PVT1: variants seen among roughly 807,000 people sequenced by gnomAD.
The protein encoded by PVT1 is CXCR4/PVT1 fusion.
At chr8:127,941,196 C>T (rs985908816) in intron 3 of PVT1, among the ~76,000 whole-genome samples, 2 of 152,196 alleles carry the variant, frequency 1.3e-5, no homozygotes, top group South Asian at 4.1e-4. Context: ...AATCTTTTCT[C>T]CCTCTTTCTT....
chr8:127,821,560 C>T (rs1343860421), intron 2 of PVT1, among the ~76,000 whole-genome samples: 1 of 152,088 alleles, frequency 6.6e-6, no homozygotes, highest in Non-Finnish European at 1.5e-5. Context: ...CCTGTAATCC[C>T]AGCACTTTGG....
chr8:127,866,156 T>G (rs762942425), intron 2 of PVT1, among the ~76,000 whole-genome samples: 5 of 152,138 alleles, frequency 3.3e-5, no homozygotes, highest in Non-Finnish European at 5.9e-5. Context: ...CAGGAGCCCT[T>G]TACCAGTACC....
At chr8:127,915,704 G>T (rs1369442850) in intron 3 of PVT1, among the ~76,000 whole-genome samples, 1 of 151,594 alleles carries the variant, frequency 6.6e-6, no homozygotes, top group Admixed American at 6.6e-5. Flanking sequence ...GGGTTCATTA[G>T]CCCCATTCTA....
At chr8:127,926,421 C>T (rs1018260135) in intron 3 of PVT1, among the ~76,000 whole-genome samples, 3 of 152,210 alleles carry the variant, frequency 2.0e-5, no homozygotes, top group African/African-American at 7.2e-5. Context: ...GTCCACAGCA[C>T]CACTTCTCTG....
chr8:128,057,121 C>G (rs1288709203), intron 4 of PVT1, among the ~76,000 whole-genome samples: 1 of 152,212 alleles, frequency 6.6e-6, no homozygotes, highest in Non-Finnish European at 1.5e-5. Context: ...CTCCCATTCA[C>G]AGTGAGCTGA....
rs185574254 is a variant in PVT1 at position 128,063,784 on chromosome 8, G to C, written n.913-6376G>C. On this transcript the variant is annotated intron_variant and non_coding_transcript_variant, in intron 4 of 10. Transcript: ENST00000651587. ...GTAGGAGGAATAAGTTCAAGAAGTC[G>C]ATTTTGACTATAGTTAATAATGTGT... 2.8e-3 allele frequency among the ~76,000 whole-genome samples: 429 copies of C among 152,258 alleles called. 2 individuals carry two copies. The highest frequency in any genetic ancestry group is 0.01 in the African/African-American group (420 of 41,542).
At chr8:128,000,199 T>C (rs935239030) in intron 4 of PVT1, among the ~76,000 whole-genome samples, 7 of 152,342 alleles carry the variant, frequency 4.6e-5, no homozygotes, top group African/African-American at 1.7e-4. Flanking sequence ...GGGATGTCCC[T>C]GCTTTCCTGG....
At chr8:127,957,569 A>AAG (rs1027141445) in intron 3 of PVT1, among the ~76,000 whole-genome samples, 8 of 132,548 alleles carry the variant, frequency 6.0e-5, no homozygotes, top group African/African-American at 2.4e-4. Flanking sequence ...TCCGTCTCAA[A>AAG]AAAAAAAAAA....
chr8:127,864,630 C>T (rs61705694), intron 2 of PVT1, among the ~76,000 whole-genome samples: 22,087 of 151,986 alleles, frequency 0.15, 1,897 homozygotes, highest in East Asian at 0.27. Flanking sequence ...TCACTGCCAG[C>T]TCCGCCTCCC....
At chr8:127,954,148 T>C (rs1363711308) in intron 3 of PVT1, among the ~76,000 whole-genome samples, 4 of 152,096 alleles carry the variant, frequency 2.6e-5, no homozygotes, top group Admixed American at 6.5e-5. Context: ...TAAGTTTCCT[T>C]ATGTGCCTCA....
chr8:127,987,414 C>T (rs887525469), intron 3 of PVT1, among the ~76,000 whole-genome samples: 8 of 152,080 alleles, frequency 5.3e-5, no homozygotes, highest in Admixed American at 5.2e-4. Context: ...GCTCCCTTGG[C>T]CCCATGTGCT....
chr8:127,839,605 A>T (rs891791173), intron 2 of PVT1, among the ~76,000 whole-genome samples: 2 of 151,420 alleles, frequency 1.3e-5, no homozygotes, highest in Non-Finnish European at 2.9e-5. Flanking sequence ...TAAATAAAAT[A>T]ATTAAAAAAA....
intron 4 of PVT1, among the ~76,000 whole-genome samples, chr8:128,059,943 T>C (rs1813810057): frequency 6.6e-6 from 1 of 152,126 alleles, no homozygotes; most frequent in Non-Finnish European, 1.5e-5. Flanking sequence ...AAGAAAGTCA[T>C]GCACTAATGT....
chr8:127,958,813 C>T lies in PVT1; in HGVS notation n.783-30349C>T, dbSNP rs111387205. ...GTTGTACGGAATAACAATAGTAGCA[C>T]GAATGATCCCATAGCTGACAGCCAC... is the stretch of plus-strand genomic sequence containing the variant. On this transcript the variant is annotated intron_variant and non_coding_transcript_variant, in intron 3 of 10. Coordinates refer to ENST00000651587, the Ensembl canonical transcript of PVT1. 5.1e-3 allele frequency among the ~76,000 whole-genome samples: 780 copies of T among 152,238 alleles called. 12 individuals are homozygous for T. Among genetic ancestry groups the T allele is most frequent in the African/African-American group, 0.018 (759 of 41,544 alleles).
chr8:128,016,944 G>A (rs1158740953), intron 4 of PVT1, among the ~76,000 whole-genome samples: 1 of 152,172 alleles, frequency 6.6e-6, no homozygotes, highest in Non-Finnish European at 1.5e-5. Flanking sequence ...CCAGCACTTC[G>A]GGAGGCCAAG....
chr8:127,984,158 C>T (rs1206120278), intron 3 of PVT1: 1 of 152,096 alleles, frequency 6.6e-6, no homozygotes, highest in African/African-American at 2.4e-5. Context: ...GGATTACAGG[C>T]GAGAGTCACC....
intron 3 of PVT1, among the ~76,000 whole-genome samples, chr8:127,905,434 G>A (rs918759920): frequency 1.6e-4 from 25 of 152,222 alleles, no homozygotes; most frequent in African/African-American, 5.8e-4. Flanking sequence ...CCTTTGGGAT[G>A]TGTATTTCTT....
At chr8:127,984,903 T>TTC (rs1477073950) in intron 3 of PVT1, among the ~76,000 whole-genome samples, 14 of 88,510 alleles carry the variant, frequency 1.6e-4, no homozygotes, top group Middle Eastern at 5.8e-3. Context: ...CTTTCTTTCT[T>TTC]TCTTTCTTTC....
chr8:127,823,532 G>A (rs574924354), intron 2 of PVT1, among the ~76,000 whole-genome samples: 1 of 152,138 alleles, frequency 6.6e-6, no homozygotes, highest in African/African-American at 2.4e-5. Context: ...GTGAATCAGG[G>A]ACAGGTCAGT....
Sources: allele counts gnomAD v4.1 joint callset (sites outside exome capture counted in the v4.1 genomes callset), GRCh38; gene constraint gnomAD v4.1.1; transcripts MANE v1.5; gene names NCBI Gene and HGNC (gene_info 2026-07-23, HGNC 2026-07-21).